CEP112: variants seen among roughly 807,000 people sequenced by gnomAD.
CEP112 encodes centrosomal protein of 112 kDa.
A neutral mutation model predicts 153.0 loss-of-function variants in CEP112; 127 were observed. The observed-to-expected ratio is 0.83, with a 90% CI of 0.72 to 0.96. The LOEUF is 0.96. CEP112 is among the 40% of genes least tolerant of loss of function. The pLI, the probability that CEP112 is intolerant of heterozygous loss-of-function variation, is 0.00. For synonymous variants in CEP112, 358 were observed against 374.4 expected (o/e 0.96, Z 0.51); for missense variants, 1,089 against 1,101.2 (o/e 0.99, Z 0.16).
intron 8 of CEP112, among the ~76,000 whole-genome samples, chr17:66,090,859 T>C (rs1338484284): frequency 6.6e-6 from 1 of 152,018 alleles, no homozygotes; most frequent in African/African-American, 2.4e-5. Flanking sequence ...AGATATCTCA[T>C]GCAAACGGAA....
chr17:65,778,601 A>T (rs1174830153), intron 21 of CEP112, among the ~76,000 whole-genome samples: 1 of 151,946 alleles, frequency 6.6e-6, no homozygotes, highest in Non-Finnish European at 1.5e-5. Context: ...GAATTAATTA[A>T]AAAAAGAAGG....
intron 23 of CEP112, among the ~76,000 whole-genome samples, chr17:65,698,083 AAAC>A (rs1204621982): frequency 6.6e-6 from 1 of 152,120 alleles, no homozygotes; most frequent in East Asian, 1.9e-4. Context: ...TTTCTTAAAA[AAAC>A]AAAACAAAAC....
Position 65,902,158 on chromosome 17 carries a change from A to G in CEP112, c.2157T>C (p.Asp719=), listed in dbSNP as rs1250668743. The G allele has an allele frequency of 6.2e-7, 1 of 1,611,716 alleles. No individual in the cohort carries two copies. Among genetic ancestry groups the G allele is most frequent in the East Asian group, 2.2e-5 (1 of 44,856 alleles). The change falls in exon 20 of 27, where the codon GAT becomes GAC. Residue 719 remains aspartate, a synonymous_variant. Coordinates refer to ENST00000535342, the MANE Select transcript of CEP112 (RefSeq NM_001199165.4). The part of the protein sequence containing the change: ...ENQIQEFKKR[D]AQVIADMEAQ... ...AAATATTATTGATAATTACCTGTGCATCTCGTTTCTTGAACTCCTGAATTT... is the reference window on the plus strand; with the variant it reads ...AAATATTATTGATAATTACCTGTGCGTCTCGTTTCTTGAACTCCTGAATTT...
intron 6 of CEP112, among the ~76,000 whole-genome samples, chr17:66,101,372 G>C (rs904323287): frequency 2.6e-5 from 4 of 151,874 alleles, no homozygotes; most frequent in Admixed American, 2.6e-4. Flanking sequence ...AGAAAATACT[G>C]TATCACAAGG....
intron 23 of CEP112, among the ~76,000 whole-genome samples, chr17:65,736,249 G>C (rs2050797571): frequency 6.6e-6 from 1 of 152,142 alleles, no homozygotes; most frequent in African/African-American, 2.4e-5. Flanking sequence ...GGGATTTCTA[G>C]GGAATCTGAC....
chr17:65,886,594 T>G (rs1369701374), intron 20 of CEP112, among the ~76,000 whole-genome samples: 1 of 152,240 alleles, frequency 6.6e-6, no homozygotes, highest in Non-Finnish European at 1.5e-5. Context: ...TTTGTGGGAC[T>G]GGCCCAATTC....
chr17:65,700,408 G>A (rs904386708), intron 23 of CEP112, among the ~76,000 whole-genome samples: 9 of 152,098 alleles, frequency 5.9e-5, no homozygotes, highest in Admixed American at 3.9e-4. Flanking sequence ...AGCAACAAAC[G>A]CCAGGGAAAG....
intron 21 of CEP112, among the ~76,000 whole-genome samples, chr17:65,792,247 T>C (rs2054631224): frequency 6.6e-6 from 1 of 152,164 alleles, no homozygotes; most frequent in South Asian, 2.1e-4. Context: ...TGACAGAACT[T>C]AATAATTTAG....
chr17:65,689,479 C>A (rs1344283558), intron 23 of CEP112, among the ~76,000 whole-genome samples: 1 of 152,102 alleles, frequency 6.6e-6, no homozygotes, highest in African/African-American at 2.4e-5. Flanking sequence ...CTCATATTCC[C>A]AGCACAGAAC....
intron 10 of CEP112, among the ~76,000 whole-genome samples, chr17:66,064,286 A>G (rs2067032901): frequency 6.6e-6 from 1 of 152,170 alleles, no homozygotes; most frequent in African/African-American, 2.4e-5. Context: ...CTTTCAATAT[A>G]TTGTTGCTGC....
chr17:65,904,564 G>C (rs539058900), intron 19 of CEP112, among the ~76,000 whole-genome samples: 116 of 152,224 alleles, frequency 7.6e-4, no homozygotes, highest in South Asian at 1.7e-3. Flanking sequence ...TCCCCATCAA[G>C]CTACCATTGA....
intron 16 of CEP112, among the ~76,000 whole-genome samples, chr17:66,007,562 T>TTTA (rs2064328001): frequency 1.3e-5 from 2 of 152,172 alleles, no homozygotes; most frequent in African/African-American, 4.8e-5. Context: ...TCTAGTCTTT[T>TTTA]TAATGTAGAG....
intron 3 of CEP112, among the ~76,000 whole-genome samples, chr17:66,176,068 CAG>C (rs974992044): frequency 1.3e-5 from 2 of 152,104 alleles, no homozygotes; most frequent in African/African-American, 4.8e-5. Context: ...CCATGGAAAA[CAG>C]GAATTATTCT....
chr17:66,074,328 A>G (rs1189916906), intron 8 of CEP112, among the ~76,000 whole-genome samples: 1 of 152,202 alleles, frequency 6.6e-6, no homozygotes, highest in African/African-American at 2.4e-5. Flanking sequence ...TTAAAAATCA[A>G]TAACACTTTG....
chr17:66,028,185 G>A (rs4277386), intron 15 of CEP112, 128 bp downstream of exon 15: 289,244 of 583,358 alleles, frequency 0.5, 76,584 homozygotes, highest in African/African-American at 0.59. Flanking sequence ...TATACAATGC[G>A]ATAAAAGAAT....
intron 22 of CEP112, among the ~76,000 whole-genome samples, chr17:65,743,648 A>G (rs1305694447): frequency 3.9e-5 from 6 of 152,362 alleles, no homozygotes; most frequent in South Asian, 4.1e-4. Flanking sequence ...ACCTAATTCT[A>G]TACAGTAATT....
chr17:65,653,334 G>A (rs2045883204), intron 24 of CEP112, among the ~76,000 whole-genome samples: 1 of 152,184 alleles, frequency 6.6e-6, no homozygotes, highest in South Asian at 2.1e-4. Context: ...ATACATAGGA[G>A]GATTAAGGGA....
At position 65,667,085 on chromosome 17, in the gene CEP112, T is replaced by C. The variant is rs142717155; in HGVS notation, c.2697+22044A>G. Among the ~76,000 whole-genome samples the C allele has an allele frequency of 2.6e-3, 390 of 152,334 alleles. 5 individuals carry two copies. Among genetic ancestry groups the C allele is most frequent in the Middle Eastern group, 0.01 (3 of 294 alleles). Reference sequence around the variant, plus strand: ...AGGGAGGGTGGAGGAAATGAGCACATTGCTGGCTCTCTGGGCTGTGGTGCT... The same window carrying C: ...AGGGAGGGTGGAGGAAATGAGCACACTGCTGGCTCTCTGGGCTGTGGTGCT... On this transcript the variant is annotated intron_variant, in intron 24 of 26. Transcript: ENST00000535342.
chr17:66,164,854 CA>C (rs201821806), intron 4 of CEP112, among the ~76,000 whole-genome samples: 1 of 144,916 alleles, frequency 6.9e-6, no homozygotes. Flanking sequence ...AACTCCATCT[CA>C]AAAAAAATAT....
Sources: gnomAD v4.1 joint callset for allele counts (sites outside exome capture counted in the v4.1 genomes callset) on GRCh38, gnomAD v4.1.1 for gene constraint, MANE v1.5 for transcripts, NCBI Gene and HGNC (gene_info 2026-07-23, HGNC 2026-07-21) for gene names.